Variants in SLC35F4 observed in about 807,000 individuals in gnomAD.
SLC35F4 encodes solute carrier family 35 member F4.
SLC35F4 carries 24 observed loss-of-function variants against 44.2 expected under a neutral mutation model. That is an observed-to-expected ratio of 0.54 (90% CI 0.39 to 0.76). The LOEUF is 0.76. Among genes scored for constraint, SLC35F4 ranks in the 30% least tolerant of loss-of-function variants. SLC35F4 has a pLI of 0.00. For missense variants in SLC35F4, 562 were observed against 586.1 expected (o/e 0.96, Z 0.42); for synonymous variants, 238 against 223.6 (o/e 1.06, Z -0.57).
chr14:57,589,442 A>G lies in SLC35F4; in HGVS notation c.361T>C (p.Cys121Arg), dbSNP rs376429839. Residue 121 changes from cysteine to arginine, a missense_variant, in exon 3 of 8, where the codon TGC (cysteine) becomes CGC (arginine). Coordinates refer to ENST00000556826, the MANE Select transcript of SLC35F4 (RefSeq NM_001306087.2). ...ENRIKARCLS[C>R]TSMVLKGIWG... ...ATGCCCTTCAGAACCATGGACGTGC[A>G]GGACAGGCAGCGAGCCTTGATTCTG... is the stretch of plus-strand genomic sequence containing the variant. The G allele has an allele frequency of 1.9e-6, 3 of 1,613,968 alleles. No individual in the cohort carries two copies. Among genetic ancestry groups the G allele is most frequent in the Non-Finnish European group, 2.5e-6 (3 of 1,179,886 alleles).
rs866052363 is a variant in SLC35F4 at position 57,734,716 on chromosome 14, C to T, written c.103+131007G>A. On this transcript the variant is annotated intron_variant, in intron 1 of 7. Transcript: ENST00000556826. ...ATACCAAATTTGGAAAAAGAAAAGGCTTTTGATAGAAGCCTACTCTATTAA... is the reference window on the plus strand; with the variant it reads ...ATACCAAATTTGGAAAAAGAAAAGGTTTTTGATAGAAGCCTACTCTATTAA... Among the ~76,000 whole-genome samples, 11 of 152,166 alleles carry T rather than the reference C, an allele frequency of 7.2e-5. No individual in the cohort carries two copies. In the South Asian group the frequency reaches 1.9e-3, roughly 26 times the overall value.
intron 1 of SLC35F4, among the ~76,000 whole-genome samples, chr14:57,637,850 T>C (rs59493127): frequency 0.14 from 21,298 of 151,992 alleles, 1,719 homozygotes; most frequent in East Asian, 0.22. Context: ...AAAGAGACAT[T>C]AAAAACTGAG....
chr14:57,977,108 AC>A (rs1881240364), intron 1 of SLC35F4, among the ~76,000 whole-genome samples: 1 of 152,182 alleles, frequency 6.6e-6, no homozygotes, highest in African/African-American at 2.4e-5. Flanking sequence ...GTTAAATCCT[AC>A]CTAAAGTGAA....
At chr14:57,598,205 C>G (rs902166454) in intron 1 of SLC35F4, among the ~76,000 whole-genome samples, 3 of 152,178 alleles carry the variant, frequency 2.0e-5, no homozygotes, top group Non-Finnish European at 2.9e-5. Context: ...TTACCTTTCT[C>G]TGCGGAAAAT....
At chr14:57,721,410 G>T (rs1445147341) in intron 1 of SLC35F4, among the ~76,000 whole-genome samples, 1 of 152,114 alleles carries the variant, frequency 6.6e-6, no homozygotes, top group Non-Finnish European at 1.5e-5. Context: ...AAGTTCAGTG[G>T]ACAAAGTGAT....
intron 1 of SLC35F4, among the ~76,000 whole-genome samples, chr14:57,740,608 G>A (rs982561624): frequency 6.6e-6 from 1 of 152,140 alleles, no homozygotes; most frequent in South Asian, 2.1e-4. Flanking sequence ...TATAGTTTAC[G>A]AGAATATATT....
At chr14:57,653,034 G>A (rs7152247) in intron 1 of SLC35F4, among the ~76,000 whole-genome samples, 20,608 of 152,128 alleles carry the variant, frequency 0.14, 1,671 homozygotes, top group African/African-American at 0.22. Flanking sequence ...TAGGTTACAA[G>A]CAACCCCTTC....
chr14:57,949,462 T>C (rs967691227), intron 1 of SLC35F4, among the ~76,000 whole-genome samples: 1 of 152,162 alleles, frequency 6.6e-6, no homozygotes, highest in African/African-American at 2.4e-5. Context: ...AGATACTTGG[T>C]TGGTGAATTT....
chr14:57,884,020 A>C (rs1334680968), intron 1 of SLC35F4, among the ~76,000 whole-genome samples: 1 of 152,168 alleles, frequency 6.6e-6, no homozygotes, highest in South Asian at 2.1e-4. Flanking sequence ...AGACAATAAG[A>C]GCCGTGGATA....
intron 1 of SLC35F4, among the ~76,000 whole-genome samples, chr14:57,950,048 G>C (rs1594647073): frequency 6.6e-6 from 1 of 152,214 alleles, no homozygotes; most frequent in Middle Eastern, 3.4e-3. Flanking sequence ...AGTTCTTTGA[G>C]CTTCTTGTAT....
chr14:57,761,125 T>C (rs2077114395), intron 1 of SLC35F4, among the ~76,000 whole-genome samples: 1 of 152,184 alleles, frequency 6.6e-6, no homozygotes, highest in Admixed American at 6.6e-5. Flanking sequence ...ACTTGGACCA[T>C]CTGTTTCCCA....
At chr14:57,761,625 A>G (rs952161838) in intron 1 of SLC35F4, among the ~76,000 whole-genome samples, 12 of 152,208 alleles carry the variant, frequency 7.9e-5, no homozygotes, top group Non-Finnish European at 1.5e-4. Context: ...CACATAAATA[A>G]TTCTCTCACA....
Position 57,811,238 on chromosome 14 carries a change from A to T in SLC35F4, c.103+54485T>A, listed in dbSNP as rs577617989. 5.3e-5 allele frequency among the ~76,000 whole-genome samples: 8 copies of T among 152,344 alleles called. No individual in the cohort carries two copies. The South Asian group carries it at 6.2e-4, about 12-fold the overall frequency. On this transcript the variant is annotated intron_variant, in intron 1 of 7. Coordinates refer to ENST00000556826, the MANE Select transcript of SLC35F4 (RefSeq NM_001306087.2). ...AGTTTAGAAAGGTGGGGAAAGGTAG[A>T]GTGGAAAGATGAAGCATTTCAGTGT...
intron 1 of SLC35F4, among the ~76,000 whole-genome samples, chr14:57,783,031 G>T (rs558219457): frequency 9.2e-5 from 14 of 152,260 alleles, no homozygotes; most frequent in African/African-American, 3.4e-4. Context: ...GTGTGAAGCT[G>T]TTGCTGCAGC....
intron 1 of SLC35F4, among the ~76,000 whole-genome samples, chr14:57,843,080 G>A (rs1885651089): frequency 6.6e-6 from 1 of 152,186 alleles, no homozygotes; most frequent in Admixed American, 6.5e-5. Flanking sequence ...TTTAGCCACA[G>A]AATGAAGGCA....
At chr14:57,859,374 A>C (rs1359900669) in intron 1 of SLC35F4, among the ~76,000 whole-genome samples, 1 of 152,202 alleles carries the variant, frequency 6.6e-6, no homozygotes, top group South Asian at 2.1e-4. Context: ...ATATATACCA[A>C]AATGTTAACA....
chr14:57,802,897 C>T (rs2078223486), intron 1 of SLC35F4, among the ~76,000 whole-genome samples: 1 of 148,606 alleles, frequency 6.7e-6, no homozygotes, highest in African/African-American at 2.5e-5. Context: ...TCTACTGAAA[C>T]TATTCCAAAA....
At chr14:57,712,236 C>G (rs1478165716) in intron 1 of SLC35F4, among the ~76,000 whole-genome samples, 1 of 152,194 alleles carries the variant, frequency 6.6e-6, no homozygotes, top group African/African-American at 2.4e-5. Flanking sequence ...TACTGAATCC[C>G]TATTTATCTT....
At chr14:57,618,336 C>T (rs2071972360) in intron 1 of SLC35F4, among the ~76,000 whole-genome samples, 2 of 152,148 alleles carry the variant, frequency 1.3e-5, no homozygotes, top group East Asian at 1.9e-4. Context: ...ACTGAGGTAC[C>T]TGGTTCATCT....
Sources: allele counts gnomAD v4.1 joint callset (sites outside exome capture counted in the v4.1 genomes callset), GRCh38; gene constraint gnomAD v4.1.1; transcripts MANE v1.5; gene names NCBI Gene and HGNC (gene_info 2026-07-23, HGNC 2026-07-21).